GRHL1: variants seen among roughly 807,000 people sequenced by gnomAD.
GRHL1 encodes the protein grainyhead like transcription factor 1.
GRHL1 carries 38 observed loss-of-function variants against 75.7 expected under a neutral mutation model. The observed-to-expected ratio is 0.50, with a 90% CI of 0.39 to 0.66. The LOEUF (loss-of-function observed/expected upper bound fraction) is 0.66, where lower values mean the gene tolerates loss of function less well. Ranked by LOEUF, GRHL1 falls within the 30% of genes least tolerant of loss-of-function variation. GRHL1 has a pLI of 0.00. For missense variants in GRHL1, 589 were observed against 767.5 expected, an observed-to-expected ratio of 0.77 and a Z score of 2.75; for synonymous variants, 266 against 279.4, an observed-to-expected ratio of 0.95 and a Z score of 0.48.
intron 3 of GRHL1, 115 bp downstream of exon 3, chr2:9,958,971 T>C (rs1667155304): frequency 6.9e-7 from 1 of 1,444,318 alleles, no homozygotes; most frequent in South Asian, 1.4e-5. Flanking sequence ...ATAGGTAAGT[T>C]GGACTCTTAC....
At chr2:9,977,036 T>G (rs2125226512) in intron 8 of GRHL1, among the ~76,000 whole-genome samples, 1 of 152,376 alleles carries the variant, frequency 6.6e-6, no homozygotes, top group South Asian at 2.1e-4. Flanking sequence ...AATCTGTCTC[T>G]TTTTCATTTC....
At chr2:9,962,861 A>AAT (rs1450034564) in intron 5 of GRHL1, among the ~76,000 whole-genome samples, 1 of 151,930 alleles carries the variant, frequency 6.6e-6, no homozygotes, top group African/African-American at 2.4e-5. Context: ...AATATATATA[A>AAT]TTAGGTGAGA....
intron 4 of GRHL1, among the ~76,000 whole-genome samples, 156 bp from the exon 5 acceptor site, chr2:9,962,299 T>G (rs1226041290): frequency 6.6e-6 from 1 of 152,220 alleles, no homozygotes; most frequent in South Asian, 2.1e-4. Flanking sequence ...TTTAATTTTT[T>G]AAGTATTTGT....
At chr2:9,995,788 A>C in intron 12 of GRHL1, 91 bp from the exon 13 acceptor site, 1 of 735,442 alleles carries the variant, frequency 1.4e-6, no homozygotes. Context: ...AAGTCATTTT[A>C]AATCTAGTTC....
At chr2:9,998,002 G>C (rs1342717884) in intron 14 of GRHL1, among the ~76,000 whole-genome samples, 1 of 152,110 alleles carries the variant, frequency 6.6e-6, no homozygotes, top group Admixed American at 6.5e-5. Context: ...GTACAGAAAA[G>C]AAAAAGGGTT....
intron 3 of GRHL1, 116 bp from the exon 4 acceptor site, chr2:9,960,930 T>G: frequency 1.4e-6 from 1 of 725,246 alleles, no homozygotes; most frequent in African/African-American, 1.8e-5. Flanking sequence ...ATGTTTTCTG[T>G]TTATTCTGTC....
Position 9,992,146 on chromosome 2 carries a change from T to C in GRHL1, c.1461T>C (p.His487=), listed in dbSNP as rs72784461. 1.4e-3 allele frequency: 2,183 copies of C among 1,611,986 alleles called. 27 individuals carry two copies. Among genetic ancestry groups the C allele is most frequent in the Middle Eastern group, 3.5e-3 (21 of 6,054 alleles). Residue 487 remains histidine, a splice_region_variant and synonymous_variant, in exon 11 of 16, where the codon CAT becomes CAC. Coordinates refer to ENST00000324907, the MANE Select transcript of GRHL1 (RefSeq NM_198182.3). The surrounding 1 kb of genome is among the most constrained non-coding windows in gnomAD (Gnocchi z 4.6). The part of the protein sequence containing the change: ...VHFANLQRGT[H]VLPIASEELE... ...TTGCCAACTTGCAGCGGGGCACTCA[T>C]GTAGGTAACCAGGATCCCAGGGGAG...
intron 1 of GRHL1, chr2:9,952,907 A>C: frequency 2.3e-6 from 1 of 426,548 alleles, no homozygotes; most frequent in Admixed American, 2.7e-5. Flanking sequence ...TATGTTGTAG[A>C]ATATGCAGTT....
In GRHL1 at chr2:10,001,284, G is replaced by A. The variant is rs554982732; in HGVS notation, c.*577G>A. ...GAAATCTTCCTTTGCGACTTTCTCG[G>A]ACATATCAACTGCCTTTCTCATGAA... On this transcript the variant is annotated 3_prime_UTR_variant, in exon 16 of 16. Transcript: ENST00000324907. 6.5e-6 allele frequency: 1 copy of A among 152,754 alleles called. No homozygotes were observed. 9.5% of individuals were successfully genotyped at this position (152,754 alleles called of 1,614,324 possible).
chr2:9,978,558 T>A (rs940096292), intron 8 of GRHL1, among the ~76,000 whole-genome samples: 1 of 152,204 alleles, frequency 6.6e-6, no homozygotes, highest in Non-Finnish European at 1.5e-5. Context: ...CAGAGAACCA[T>A]TGAAGGCTAT....
In GRHL1 at chr2:10,000,574, C is replaced by G. The variant is rs762539086; in HGVS notation, c.1743-19C>G. Reference sequence around the variant, plus strand: ...CCAAGTGGCAGTGAAGTTGGTTGGTCTTGTCCCCCCCCATCCAGGATCCTG... The same window carrying G: ...CCAAGTGGCAGTGAAGTTGGTTGGTGTTGTCCCCCCCCATCCAGGATCCTG... On this transcript the variant is annotated intron_variant, in intron 15 of 15. Coordinates refer to ENST00000324907, the MANE Select transcript of GRHL1 (RefSeq NM_198182.3). 10 of 1,514,550 alleles carry G rather than the reference C, an allele frequency of 6.6e-6. No homozygotes were observed. The highest frequency in any genetic ancestry group is 8.3e-6 in the Non-Finnish European group (9 of 1,090,388). The allele number at this position is 1,514,550 out of a possible 1,614,324, so 93.8% of individuals were successfully genotyped here.
At chr2:9,980,661 C>T (rs1206657403) in intron 8 of GRHL1, among the ~76,000 whole-genome samples, 2 of 152,154 alleles carry the variant, frequency 1.3e-5, no homozygotes, top group Admixed American at 6.6e-5. Flanking sequence ...CAAATGTTTT[C>T]TCTCAAAATA....
Position 9,999,032 on chromosome 2 carries a change from A to T in GRHL1, c.1742+3A>T, listed in dbSNP as rs1339795577. ...ATATTCAAGAAGTGTAAAAAGGGGT[A>T]AGCAGCCACTGCGTCCTGTGTACCT... On this transcript the variant is annotated splice_donor_region_variant and intron_variant, in intron 15 of 15. Transcript: ENST00000324907. 3 of 1,536,608 alleles carry T rather than the reference A, an allele frequency of 2.0e-6. No homozygotes were observed. The highest frequency in any genetic ancestry group is 2.8e-5 in the African/African-American group (2 of 71,796).
chr2:9,964,061 C>T lies in GRHL1; in HGVS notation c.903+19C>T, dbSNP rs747887966. ...AGTTCGAGTAAGTTCTGCTCTTAGT[C>T]CTGTTCTCTAGGAAAGCTAGTCAGA... is the stretch of plus-strand genomic sequence containing the variant. On this transcript the variant is annotated intron_variant, in intron 6 of 15. Transcript: ENST00000324907. The T allele has an allele frequency of 6.2e-5, 100 of 1,607,042 alleles. No homozygotes were observed. Among genetic ancestry groups the T allele is most frequent in the Middle Eastern group, 1.7e-4 (1 of 6,042 alleles).
In GRHL1 at chr2:9,990,569, A is replaced by G. The variant is rs1412895463; in HGVS notation, c.1270-127A>G. 5 of 486,306 alleles carry G rather than the reference A, an allele frequency of 1.0e-5. No individual in the cohort carries two copies. Among genetic ancestry groups the G allele is most frequent in the Non-Finnish European group, 1.9e-5 (5 of 266,034 alleles). The allele number at this position is 486,306 out of a possible 1,614,324, so 30.1% of individuals were successfully genotyped here. On this transcript the variant is annotated intron_variant, in intron 9 of 15. Transcript: ENST00000324907. This position sits in a 1 kb window ranked among gnomAD's most constrained non-coding sequence, Gnocchi z 4.2. ...CTACTATGATAAGCCTCATGAATAT[A>G]GTAAGTAATGGGGTTCCTGTCCAGA...
At chr2:9,998,326 C>T (rs534008207) in intron 14 of GRHL1, among the ~76,000 whole-genome samples, 53 of 151,056 alleles carry the variant, frequency 3.5e-4, no homozygotes, top group South Asian at 8.4e-4. Flanking sequence ...GAGGGGCAGC[C>T]GGGCTGAGGA....
chr2:9,984,011 AG>A (rs1470953254), intron 8 of GRHL1, among the ~76,000 whole-genome samples: 1 of 151,970 alleles, frequency 6.6e-6, no homozygotes, highest in Non-Finnish European at 1.5e-5. Flanking sequence ...AAAATTAGCC[AG>A]GTGTGGTGGT....
Position 9,986,244 on chromosome 2 carries a change from C to T in GRHL1, c.1231C>T (p.His411Tyr), listed in dbSNP as rs1425717496. 6 of 1,613,672 alleles carry T rather than the reference C, an allele frequency of 3.7e-6. No individual in the cohort carries two copies. Among genetic ancestry groups the T allele is most frequent in the African/African-American group, 2.7e-5 (2 of 74,886 alleles). The change falls in exon 9 of 16, where the codon CAC becomes TAC. Residue 411 changes from histidine (H) to tyrosine (Y), a missense_variant. By Grantham distance (83) the His-to-Tyr change is moderately conservative. Coordinates refer to ENST00000324907, the MANE Select transcript of GRHL1 (RefSeq NM_198182.3). ...CAACAACCGCAGCAACAAGCCTGTG[C>T]ACCGGGCCTACTGCCAGATCAAGGT... ...SYNNRSNKPV[H>Y]RAYCQIKVFC...
intron 15 of GRHL1, among the ~76,000 whole-genome samples, 172 bp downstream of exon 15, chr2:9,999,201 G>T (rs1669159674): frequency 1.3e-5 from 2 of 152,166 alleles, no homozygotes; most frequent in Admixed American, 1.3e-4. Flanking sequence ...TGTGACACGT[G>T]TGCATCGTGC....
Sources: gnomAD v4.1 joint callset for allele counts (sites outside exome capture counted in the v4.1 genomes callset) on GRCh38, gnomAD v4.1.1 for gene constraint, Gnocchi (gnomAD v3.1) non-coding constraint, MANE v1.5 for transcripts, NCBI Gene and HGNC (gene_info 2026-07-23, HGNC 2026-07-21) for gene names.